CUBN: variants seen among roughly 807,000 people sequenced by gnomAD.
The protein encoded by CUBN is cubilin, also known as 460 kDa receptor.
A neutral mutation model predicts 405.3 loss-of-function variants in CUBN; 282 were observed. The ratio of observed to expected loss-of-function variants is 0.70; its 90% CI spans 0.63 to 0.77. The LOEUF (loss-of-function observed/expected upper bound fraction) is 0.77, where lower values mean the gene tolerates loss of function less well. Among genes scored for constraint, CUBN ranks in the 30% least tolerant of loss-of-function variants. The probability of loss-of-function intolerance (pLI) is 0.00; values close to 1 mark genes in which losing one functional copy is unlikely to be tolerated. For synonymous variants in CUBN, 1,684 were observed against 1,617.0 expected (o/e 1.04, Z -0.99); for missense variants, 4,514 against 4,475.2 (o/e 1.01, Z -0.25).
chr10:16,990,242 G>A (rs1833541565), intron 29 of CUBN, 92 bp downstream of exon 29: 1 of 1,163,874 alleles, frequency 8.6e-7, no homozygotes, highest in Non-Finnish European at 1.3e-6. Flanking sequence ...GAACACTGCT[G>A]ACTACTGGAA....
At chr10:16,976,841 C>T (rs1346956882) in intron 31 of CUBN, among the ~76,000 whole-genome samples, 6 of 152,086 alleles carry the variant, frequency 3.9e-5, no homozygotes, top group Non-Finnish European at 7.3e-5. Flanking sequence ...TCTGCCTAGT[C>T]CCCCCAAAAA....
At chr10:16,915,264 T>C in intron 46 of CUBN, 92 bp from the exon 47 acceptor site, 6 of 1,498,884 alleles carry the variant, frequency 4.0e-6, no homozygotes, top group Non-Finnish European at 5.5e-6. Flanking sequence ...AAGAAAATAA[T>C]AAAAAACAAG....
rs543426847 is a variant in CUBN, at chr10:16,891,878, T to C, written c.8599-1351A>G. On this transcript the variant is annotated intron_variant, in intron 54 of 66. Coordinates refer to ENST00000377833, the MANE Select transcript of CUBN (RefSeq NM_001081.4). ...ATCTAGTGGGTAGGGGCCAGGACTA[T>C]TGCTACACAATCTGCAATACCCAAT... 3.9e-4 allele frequency among the ~76,000 whole-genome samples: 60 copies of C among 152,160 alleles called. 1 individual carries two copies. In the East Asian group the frequency reaches 9.3e-3, roughly 24 times the overall value.
At chr10:17,125,924 A>T (rs115777126) in intron 4 of CUBN, among the ~76,000 whole-genome samples, 1,642 of 152,300 alleles carry the variant, frequency 0.011, 23 homozygotes, top group African/African-American at 0.037. Context: ...GGAATACACG[A>T]ACTTGATCAT....
chr10:17,001,852 T>C (rs767648276), intron 28 of CUBN, among the ~76,000 whole-genome samples: 2 of 152,204 alleles, frequency 1.3e-5, no homozygotes, highest in African/African-American at 4.8e-5. Flanking sequence ...AAATAGTCTA[T>C]ATTTGAGTAG....
chr10:16,942,381 G>C (rs746349840), intron 36 of CUBN, among the ~76,000 whole-genome samples: 1 of 152,028 alleles, frequency 6.6e-6, no homozygotes, highest in African/African-American at 2.4e-5. Flanking sequence ...CCTGCAACTC[G>C]AAAATTAAAA....
At chr10:16,866,035 T>A (rs1840173482) in intron 59 of CUBN, among the ~76,000 whole-genome samples, 1 of 152,030 alleles carries the variant, frequency 6.6e-6, no homozygotes, top group Admixed American at 6.5e-5. Context: ...GTGCTGTCTG[T>A]CCCCCTGCTG....
chr10:16,987,877 T>C (rs1034016490), intron 29 of CUBN, among the ~76,000 whole-genome samples: 1 of 152,142 alleles, frequency 6.6e-6, no homozygotes, highest in African/African-American at 2.4e-5. Flanking sequence ...AGAAAAAAAC[T>C]TTCCCCAAAT....
At chr10:16,990,596 G>A (rs1363509300) in intron 28 of CUBN, 81 bp from the exon 29 acceptor site, 2 of 1,257,078 alleles carry the variant, frequency 1.6e-6, no homozygotes, top group African/African-American at 1.5e-5. Flanking sequence ...TCACCGAAAG[G>A]CCATCAAAAA....
chr10:16,855,761 T>C (rs1021667867), intron 59 of CUBN, among the ~76,000 whole-genome samples: 10 of 152,184 alleles, frequency 6.6e-5, no homozygotes, highest in African/African-American at 1.7e-4. Flanking sequence ...TCACAAAATA[T>C]ACACACAGAA....
rs113232627 is a variant in CUBN at position 17,111,646 on chromosome 10, G to C, written c.884-596C>G. Among the ~76,000 whole-genome samples, 1,503 of 152,282 alleles carry C rather than the reference G, an allele frequency of 9.9e-3. 7 individuals carry two copies. Among genetic ancestry groups the C allele is most frequent in the Non-Finnish European group, 0.015 (1,015 of 68,022 alleles). Reference sequence around the variant, plus strand: ...ATTAATTAAAATACTAAATGTGGCTGGGCAAGGTGGCTCATGCCTGTAATC... The same window carrying C: ...ATTAATTAAAATACTAAATGTGGCTCGGCAAGGTGGCTCATGCCTGTAATC... On this transcript the variant is annotated intron_variant, in intron 8 of 66. Coordinates refer to ENST00000377833, the MANE Select transcript of CUBN (RefSeq NM_001081.4).
intron 59 of CUBN, among the ~76,000 whole-genome samples, chr10:16,862,940 T>G (rs953407873): frequency 6.6e-6 from 1 of 152,226 alleles, no homozygotes; most frequent in African/African-American, 2.4e-5. Context: ...CAATACCATG[T>G]GGTTTTATTT....
At chr10:17,003,193 C>CT (rs1833935330) in intron 28 of CUBN, among the ~76,000 whole-genome samples, 1 of 152,194 alleles carries the variant, frequency 6.6e-6, no homozygotes, top group Non-Finnish European at 1.5e-5. Flanking sequence ...ATTTCCTTAT[C>CT]TGACATCAAA....
chr10:16,915,005 T>A (rs373523018), intron 47 of CUBN, 27 bp downstream of exon 47: 710 of 1,604,842 alleles, frequency 4.4e-4, no homozygotes, highest in South Asian at 1.1e-3. Context: ...GTGCTCAATG[T>A]TGTGTTGAAT....
chr10:16,902,703 A>G (rs900276280), intron 51 of CUBN, among the ~76,000 whole-genome samples: 5 of 152,164 alleles, frequency 3.3e-5, no homozygotes, highest in Admixed American at 3.3e-4. Context: ...AGCAAACTCA[A>G]TGGAAAGAAA....
At chr10:16,956,915 T>C (rs1250007317) in intron 31 of CUBN, among the ~76,000 whole-genome samples, 2 of 152,176 alleles carry the variant, frequency 1.3e-5, no homozygotes, top group African/African-American at 2.4e-5. Context: ...ATTGAACACA[T>C]GTATGAGGGA....
chr10:16,948,267 C>T (rs1489362980), intron 35 of CUBN, among the ~76,000 whole-genome samples: 1 of 152,186 alleles, frequency 6.6e-6, no homozygotes, highest in Non-Finnish European at 1.5e-5. Context: ...GAAAAGACAG[C>T]TACATTTCCA....
chr10:16,901,910 TATATATATACACACACACAC>T (rs1467516343), intron 51 of CUBN, among the ~76,000 whole-genome samples: 1 of 83,866 alleles, frequency 1.2e-5, no homozygotes, highest in South Asian at 4.7e-4. Context: ...TATATATATA[TATATATATACACACACACAC>T]ACACACCATA....
intron 56 of CUBN, among the ~76,000 whole-genome samples, chr10:16,886,838 G>A (rs1377765171): frequency 6.6e-6 from 1 of 152,228 alleles, no homozygotes; most frequent in Non-Finnish European, 1.5e-5. Flanking sequence ...GCCCAGGCTG[G>A]AGTGCAATGG....
Sources: gnomAD v4.1 joint callset for allele counts (sites outside exome capture counted in the v4.1 genomes callset) on GRCh38, gnomAD v4.1.1 for gene constraint, MANE v1.5 for transcripts, NCBI Gene and HGNC (gene_info 2026-07-23, HGNC 2026-07-21) for gene names.